Variants in IL18BP observed in about 807,000 individuals in gnomAD.
IL18BP encodes interleukin 18 binding protein.
IL18BP carries 23 observed loss-of-function variants against 19.9 expected under a neutral mutation model. The ratio of observed to expected loss-of-function variants is 1.15; its 90% CI spans 0.83 to 1.64. IL18BP has a LOEUF of 1.64. Among genes scored for constraint, IL18BP ranks in the 40% most tolerant of loss-of-function variants. The probability of loss-of-function intolerance (pLI) is 0.00; values close to 1 mark genes in which losing one functional copy is unlikely to be tolerated. For synonymous variants in IL18BP, 107 were observed against 101.0 expected, an observed-to-expected ratio of 1.06 and a Z score of -0.35; for missense variants, 239 against 240.7, an observed-to-expected ratio of 0.99 and a Z score of 0.05.
downstream of IL18BP, chr11:72,003,306 G>T (rs1005962735): frequency 5.5e-5 from 32 of 585,256 alleles, no homozygotes; most frequent in African/African-American, 5.4e-4. Context: ...TAGGGAGAGC[G>T]CCCACACTGT....
At chr11:72,001,646 A>G in intron 5 of IL18BP, 94 bp downstream of exon 5, 1 of 1,597,424 alleles carries the variant, frequency 6.3e-7, no homozygotes. Context: ...CAGCCTGTGA[A>G]CTAATGCCCA....
downstream of IL18BP, chr11:72,004,333 C>G: frequency 6.2e-7 from 1 of 1,612,270 alleles, no homozygotes; most frequent in Middle Eastern, 1.7e-4. Flanking sequence ...AGCTGGTGGC[C>G]TTCTTAGACT....
At position 72,001,208 on chromosome 11, in the gene IL18BP, G is replaced by A. The variant is rs775264831; in HGVS notation, c.243G>A (p.Thr81=). ...TGCTGCCTGTGTCCCTAGATGGAAC[G>A]CTGAGCTTATCCTGTGTGGCCTGCA... ...WPEVEVPLNG[T]LSLSCVACSR... is the part of the protein sequence containing the mutation. Residue 81 remains threonine (T), a synonymous_variant, in exon 4 of 6, where the codon ACG becomes ACA. Transcript: ENST00000393703. The A allele has an allele frequency of 1.4e-5, 22 of 1,614,118 alleles. No homozygotes were observed. Among genetic ancestry groups the A allele is most frequent in the East Asian group, 8.9e-5 (4 of 44,884 alleles).
chr11:72,003,209 C>T (rs1347653516), downstream of IL18BP: 4 of 439,746 alleles, frequency 9.1e-6, no homozygotes, highest in Non-Finnish European at 1.7e-5. Context: ...GAAGACTGGC[C>T]AGGCCCAAGG....
chr11:72,006,377 T>C, downstream of IL18BP: 1 of 832,560 alleles, frequency 1.2e-6, no homozygotes, highest in South Asian at 1.8e-5. Context: ...TCCCAACTGC[T>C]TTGCAAAGGT....
chr11:72,001,065 C>G, intron 3 of IL18BP, 136 bp from the exon 4 acceptor site: 3 of 1,035,132 alleles, frequency 2.9e-6, no homozygotes, highest in Non-Finnish European at 4.3e-6. Context: ...GACGTTCCCA[C>G]CTAGGTGGTG....
downstream of IL18BP, chr11:72,007,648 G>A (rs1590867383): frequency 1.6e-6 from 1 of 622,398 alleles, no homozygotes; most frequent in Non-Finnish European, 2.8e-6. Flanking sequence ...TCCTCATAGT[G>A]GCAATGCCCA....
chr11:72,004,359 G>A (rs2134354109), downstream of IL18BP: 2 of 1,601,696 alleles, frequency 1.2e-6, no homozygotes, highest in Middle Eastern at 1.7e-4. Context: ...GAAGAGGACA[G>A]TTAGGCAGAC....
At position 72,002,143 on chromosome 11, in the gene IL18BP, A is replaced by C. The variant is rs1207567368; in HGVS notation, c.*282A>C. The C allele has an allele frequency of 1.9e-6, 1 of 521,974 alleles. No homozygotes were observed. Among genetic ancestry groups the C allele is most frequent in the Non-Finnish European group, 3.4e-6 (1 of 291,086 alleles). The allele number at this position is 521,974 out of a possible 1,614,324, so 32.3% of individuals were successfully genotyped here. On this transcript the variant is annotated 3_prime_UTR_variant, in exon 6 of 6. Coordinates refer to ENST00000393703, the MANE Select transcript of IL18BP (RefSeq NM_001039660.2). ...TCCTCACACTGCTCTACTGCTCAGA[A>C]ACCACCAAGACTGTTGATGCCTTAG...
chr11:72,005,396 AAT>A, downstream of IL18BP: 1 of 1,599,472 alleles, frequency 6.3e-7, no homozygotes, highest in Non-Finnish European at 8.5e-7. Context: ...AGTGGGAACA[AAT>A]GAGCCTGGAG....
chr11:72,006,291 T>C (rs7938674), downstream of IL18BP: 12,589 of 1,596,994 alleles, frequency 7.9e-3, 711 homozygotes, highest in African/African-American at 0.13. Flanking sequence ...TCTGTTGCAG[T>C]GTACAGTCCC....
chr11:72,000,363 T>C lies in IL18BP; in HGVS notation c.41T>C (p.Leu14Ser), dbSNP rs748178291. The C allele has an allele frequency of 8.1e-6, 13 of 1,613,796 alleles. No individual in the cohort carries two copies. The Admixed American group carries it at 1.3e-4, about 17-fold the overall frequency. The change falls in exon 3 of 6, where the codon TTG (leucine) becomes TCG (serine). Residue 14 changes from leucine to serine, a missense_variant. Leu to Ser is a moderately radical substitution (Grantham distance 145). Transcript: ENST00000393703. ...GTCCTTTCCTCAGACCTCAGCCCTT[T>C]GTGGGTCCTGCTCCTGTGTGCCCAC... ...RHNWTPDLSP[L>S]WVLLLCAHVV...
chr11:72,004,278 T>G (rs1423453422), downstream of IL18BP: 5 of 1,613,504 alleles, frequency 3.1e-6, no homozygotes, highest in Admixed American at 1.7e-5. Flanking sequence ...GTGCTCTGTT[T>G]GCGCCCTTCA....
chr11:72,007,604 CTT>C, downstream of IL18BP: 1 of 794,806 alleles, frequency 1.3e-6, no homozygotes, highest in Non-Finnish European at 2.0e-6. Context: ...CTGGGCCTTC[CTT>C]TCAGTCCACT....
downstream of IL18BP, chr11:72,003,315 G>T: frequency 1.7e-6 from 1 of 602,632 alleles, no homozygotes. Context: ...CGCCCACACT[G>T]TCCATGCTCC....
downstream of IL18BP, chr11:72,007,615 C>T (rs1955831120): frequency 2.7e-6 from 2 of 727,718 alleles, no homozygotes; most frequent in South Asian, 1.6e-5. Context: ...TTTCAGTCCA[C>T]TCCCCTGGCT....
rs778555332 is a variant in IL18BP at position 72,000,403 on chromosome 11, G to T, written c.81G>T (p.Leu27=). ...TGTGTGCCCACGTCGTCACTCTCCT[G>T]GTCAGAGCCACACCTGTCTCGCAGA... The part of the protein sequence containing the change: ...LLLCAHVVTL[L]VRATPVSQTT... Residue 27 remains leucine (L), a synonymous_variant, in exon 3 of 6, where the codon CTG becomes CTT. Coordinates refer to ENST00000393703, the MANE Select transcript of IL18BP (RefSeq NM_001039660.2). 1.2e-6 allele frequency: 2 copies of T among 1,613,894 alleles called. No individual in the cohort carries two copies. The highest frequency in any genetic ancestry group is 1.1e-5 in the South Asian group (1 of 91,082).
Sources: allele counts gnomAD v4.1 joint callset, GRCh38; gene constraint gnomAD v4.1.1; transcripts MANE v1.5; gene names NCBI Gene and HGNC (gene_info 2026-07-23, HGNC 2026-07-21).